Variants in C16orf96 observed in about 807,000 individuals in gnomAD.
C16orf96 encodes chromosome 16 open reading frame 96.
In C16orf96, 108 loss-of-function variants were observed where a neutral mutation model predicts 103.6. The observed-to-expected ratio is 1.04, with a 90% CI of 0.89 to 1.22. The LOEUF (loss-of-function observed/expected upper bound fraction) is 1.22. C16orf96 is among the 50% of genes most tolerant of loss of function. The pLI, the probability that C16orf96 is intolerant of heterozygous loss-of-function variation, is 0.00. For missense variants in C16orf96, 1,586 were observed against 1,464.2 expected (o/e 1.08, Z -1.36); for synonymous variants, 566 against 593.5 (o/e 0.95, Z 0.67).
upstream of C16orf96, among the ~76,000 whole-genome samples, chr16:4,555,598 C>T (rs1413982333): frequency 6.6e-6 from 1 of 152,052 alleles, no homozygotes; most frequent in Non-Finnish European, 1.5e-5. Context: ...GTCTTGAATT[C>T]CTGACCCCGT....
At chr16:4,574,549 C>G (rs2059477452) in intron 2 of C16orf96, among the ~76,000 whole-genome samples, 160 bp from the exon 3 acceptor site, 1 of 152,120 alleles carries the variant, frequency 6.6e-6, no homozygotes, top group South Asian at 2.1e-4. Flanking sequence ...CAGCATTTCC[C>G]AAACTTGTTT....
intron 1 of C16orf96, among the ~76,000 whole-genome samples, chr16:4,564,016 G>A (rs557756455): frequency 4.4e-4 from 66 of 151,650 alleles, no homozygotes; most frequent in Non-Finnish European, 8.4e-4. Flanking sequence ...TGGCCAACAT[G>A]GTGAAATCCC....
At chr16:4,596,442 G>A (rs1409041903) in intron 14 of C16orf96, among the ~76,000 whole-genome samples, 1 of 140,602 alleles carries the variant, frequency 7.1e-6, no homozygotes, top group African/African-American at 2.6e-5. Flanking sequence ...ACAAGATCAC[G>A]CCACTGCACT....
At chr16:4,584,446 C>T (rs1896870100) in intron 7 of C16orf96, among the ~76,000 whole-genome samples, 1 of 149,944 alleles carries the variant, frequency 6.7e-6, no homozygotes, top group Non-Finnish European at 1.5e-5. Context: ...CTCCCGGGTT[C>T]AAGCAATTCT....
intron 1 of C16orf96, among the ~76,000 whole-genome samples, chr16:4,557,187 C>T (rs1365112108): frequency 6.6e-6 from 1 of 152,112 alleles, no homozygotes; most frequent in Non-Finnish European, 1.5e-5. Flanking sequence ...CCAGGCTGGT[C>T]TCAAACCCCT....
the C16orf96 span, among the ~76,000 whole-genome samples, chr16:4,540,434 G>A: frequency 6.0e-4 from 92 of 152,212 alleles, no homozygotes; most frequent in Admixed American, 1.0e-3. Flanking sequence ...AGATTTGTAG[G>A]TCATTTTAAG....
intron 1 of C16orf96, among the ~76,000 whole-genome samples, chr16:4,557,789 C>T (rs551416713): frequency 2.0e-5 from 3 of 152,240 alleles, no homozygotes; most frequent in East Asian, 1.9e-4. Flanking sequence ...CCCACCTCAA[C>T]CTCCCGAGTA....
In C16orf96 at chr16:4,600,356, C is replaced by T. The variant is rs1209026697; in HGVS notation, c.*39C>T. On this transcript the variant is annotated 3_prime_UTR_variant, in exon 16 of 16. Transcript: ENST00000444310. ...GCGCCCCCCATCGCCAAGTCCCCTCCACGTCCGAGGCTGAGGCCCATGTGG... is the reference window on the plus strand; with the variant it reads ...GCGCCCCCCATCGCCAAGTCCCCTCTACGTCCGAGGCTGAGGCCCATGTGG... 2.1e-6 allele frequency: 3 copies of T among 1,439,380 alleles called. No homozygotes were observed. The highest frequency in any genetic ancestry group is 1.4e-5 in the African/African-American group (1 of 70,978). The allele number at this position is 1,439,380 out of a possible 1,614,324, so 89.2% of individuals were successfully genotyped here.
At chr16:4,557,671 C>T (rs1260727392) in intron 1 of C16orf96, among the ~76,000 whole-genome samples, 5 of 151,962 alleles carry the variant, frequency 3.3e-5, no homozygotes, top group African/African-American at 1.2e-4. Context: ...ATGTGAATTT[C>T]ACCCCAATTT....
the C16orf96 span, among the ~76,000 whole-genome samples, chr16:4,546,602 C>G: frequency 6.6e-6 from 1 of 151,738 alleles, no homozygotes; most frequent in African/African-American, 2.4e-5. Context: ...GGAGCTAGGA[C>G]TACAGGCATG....
intron 10 of C16orf96, 105 bp from the exon 11 acceptor site, chr16:4,592,200 G>T: frequency 7.2e-7 from 1 of 1,396,448 alleles, no homozygotes; most frequent in Non-Finnish European, 9.8e-7. Context: ...AGCTGGGCCG[G>T]GCACTGGCAG....
chr16:4,593,581 T>C lies in C16orf96; in HGVS notation c.2867+265T>C, dbSNP rs1334628384. ...ACTGTTAGACGGTTTCTTATTTAAA[T>C]CTCACAACCCCCTGTGAGCTAGGGT... On this transcript the variant is annotated intron_variant, in intron 12 of 15. Coordinates refer to ENST00000444310, the MANE Select transcript of C16orf96 (RefSeq NM_001145011.2). The surrounding 1 kb of genome is among the most constrained non-coding windows in gnomAD (Gnocchi z 4.2). 2.0e-5 allele frequency among the ~76,000 whole-genome samples: 3 copies of C among 151,688 alleles called. No individual in the cohort carries two copies. Among genetic ancestry groups the C allele is most frequent in the Non-Finnish European group, 2.9e-5 (2 of 67,940 alleles).
At chr16:4,540,935 G>A in the C16orf96 span, among the ~76,000 whole-genome samples, 3 of 141,514 alleles carry the variant, frequency 2.1e-5, no homozygotes, top group African/African-American at 7.8e-5. Context: ...TTTTTTTTTA[G>A]ATGGAGTCTC....
intron 1 of C16orf96, among the ~76,000 whole-genome samples, chr16:4,562,153 G>T (rs528470164): frequency 1.3e-5 from 2 of 152,094 alleles, no homozygotes; most frequent in Non-Finnish European, 2.9e-5. Flanking sequence ...TGATGCCAAT[G>T]GGGAATCAGT....
chr16:4,546,252 A>G, the C16orf96 span, among the ~76,000 whole-genome samples: 1 of 143,800 alleles, frequency 7.0e-6, no homozygotes, highest in Non-Finnish European at 1.5e-5. Flanking sequence ...TCCACCTCCC[A>G]GGTTCACGCC....
chr16:4,594,662 G>A (rs1031252344), intron 13 of C16orf96, 42 bp from the exon 14 acceptor site: 12 of 1,548,048 alleles, frequency 7.8e-6, no homozygotes, highest in South Asian at 1.2e-5. Context: ...GGGGCAGATC[G>A]GGTCGGGGGC....
chr16:4,540,614 C>G, the C16orf96 span, among the ~76,000 whole-genome samples: 1 of 151,942 alleles, frequency 6.6e-6, no homozygotes, highest in South Asian at 2.1e-4. Context: ...GTAATCCCAG[C>G]TATTCGGGAG....
intron 1 of C16orf96, chr16:4,563,242 T>G (rs2059351388): frequency 6.2e-5 from 30 of 485,408 alleles, no homozygotes; most frequent in South Asian, 5.6e-4. Context: ...CGTTCGCTCA[T>G]GACTGACTCG....
intron 2 of C16orf96, among the ~76,000 whole-genome samples, chr16:4,573,464 G>T (rs6500616): frequency 2.2e-5 from 3 of 138,974 alleles, no homozygotes; most frequent in East Asian, 2.2e-4. Context: ...AAAAAGGTGG[G>T]GTCGGTGGGG....
Sources: gnomAD v4.1 joint callset for allele counts (sites outside exome capture counted in the v4.1 genomes callset) on GRCh38, gnomAD v4.1.1 for gene constraint, Gnocchi (gnomAD v3.1) non-coding constraint, MANE v1.5 for transcripts, NCBI Gene and HGNC (gene_info 2026-07-23, HGNC 2026-07-21) for gene names.